The following TXNDC12 variants were observed in gnomAD, a reference collection of about 807,000 sequenced individuals.
TXNDC12 encodes thioredoxin domain containing 12, also known as thioredoxin domain-containing protein 12.
A neutral mutation model predicts 24.2 loss-of-function variants in TXNDC12; 22 were observed. That is an observed-to-expected ratio of 0.91 (90% confidence interval 0.65 to 1.30). The LOEUF is 1.30. Ranked by LOEUF, TXNDC12 falls within the 50% of genes most tolerant of loss-of-function variation. The pLI is 0.00. For synonymous variants in TXNDC12, 58 were observed against 73.4 expected, an observed-to-expected ratio of 0.79 and a Z score of 1.07; for missense variants, 184 against 205.8, an observed-to-expected ratio of 0.89 and a Z score of 0.65.
chr1:52,024,456 C>T (rs565382764), intron 5 of TXNDC12, 54 bp downstream of exon 5: 101 of 1,395,994 alleles, frequency 7.2e-5, no homozygotes, highest in Non-Finnish European at 9.5e-5. Flanking sequence ...TGCCTTGATT[C>T]ATTTCTCTCT....
chr1:52,034,057 G>A, intron 2 of TXNDC12: 1 of 1,334,742 alleles, frequency 7.5e-7, no homozygotes, highest in Non-Finnish European at 9.5e-7. Context: ...AAGGCCTAAG[G>A]GGCATTAAAT....
intron 1 of TXNDC12, among the ~76,000 whole-genome samples, chr1:52,049,805 T>C (rs1175861902): frequency 6.6e-6 from 1 of 152,054 alleles, no homozygotes; most frequent in Non-Finnish European, 1.5e-5. Context: ...CCCAAACTGC[T>C]AGGATTATAG....
chr1:52,055,858 T>G (rs1328056464), upstream of TXNDC12: 1 of 152,246 alleles, frequency 6.6e-6, no homozygotes, highest in East Asian at 1.9e-4. Context: ...TATAAGTCAC[T>G]GCAGGCTAAA....
At chr1:52,028,479 GTCA>G in intron 3 of TXNDC12, 96 bp downstream of exon 3, 1 of 897,704 alleles carries the variant, frequency 1.1e-6, no homozygotes, top group Non-Finnish European at 1.8e-6. Context: ...TCCTTAAACA[GTCA>G]GTAGTGCTGG....
At chr1:52,033,654 G>A in intron 2 of TXNDC12, 2 of 1,611,288 alleles carry the variant, frequency 1.2e-6, no homozygotes, top group Non-Finnish European at 1.7e-6. Flanking sequence ...CAGCTGCGTC[G>A]TCCACCACGT....
At chr1:52,041,011 G>T (rs1318914371) in intron 2 of TXNDC12, among the ~76,000 whole-genome samples, 1 of 148,552 alleles carries the variant, frequency 6.7e-6, no homozygotes, top group African/African-American at 2.5e-5. Context: ...CTCCCGCCTG[G>T]GTGACAAAGC....
At chr1:52,052,623 A>G (rs1184907441) in intron 1 of TXNDC12, 1 of 159,038 alleles carries the variant, frequency 6.3e-6, no homozygotes, top group East Asian at 1.9e-4. Flanking sequence ...AGCCTTTCCC[A>G]GTGTGCCTTG....
chr1:52,032,784 A>G lies in TXNDC12; in HGVS notation c.159-4154T>C, dbSNP rs1366942007. On this transcript the variant is annotated intron_variant, in intron 2 of 6. Transcript: ENST00000371626. ...TGTTGGGATGCATTTTAGTGTACGA[A>G]ATAAACTGGCGACGAAGGCGACTCA... is the stretch of plus-strand genomic sequence containing the variant. The G allele has an allele frequency of 4.3e-6, 7 of 1,614,232 alleles. No individual in the cohort carries two copies. The East Asian group carries it at 1.6e-4, about 36-fold the overall frequency.
At chr1:52,026,420 G>A (rs145098401) in intron 4 of TXNDC12, among the ~76,000 whole-genome samples, 69 of 152,288 alleles carry the variant, frequency 4.5e-4, no homozygotes, top group Non-Finnish European at 9.1e-4. Flanking sequence ...TATGAGGTAT[G>A]TAAAAGCTAT....
intron 2 of TXNDC12, among the ~76,000 whole-genome samples, chr1:52,038,829 A>C (rs1322291746): frequency 6.6e-6 from 1 of 152,006 alleles, no homozygotes. Flanking sequence ...TTTGGCAAAA[A>C]GTGCAAGGTT....
In TXNDC12 at chr1:52,020,840, G is replaced by A. The variant is rs371070616; in HGVS notation, c.*93C>T. The stretch of plus-strand genomic sequence containing the variant: ...TAGGTAGGAATGAGGTTTCCTGGTC[G>A]GCTTAATTGTTCTAGATGATTCCTC... On this transcript the variant is annotated 3_prime_UTR_variant, in exon 7 of 7. Coordinates refer to ENST00000371626, the MANE Select transcript of TXNDC12 (RefSeq NM_015913.4). 1.3e-5 allele frequency: 14 copies of A among 1,063,438 alleles called. No homozygotes were observed. Among genetic ancestry groups the A allele is most frequent in the African/African-American group, 3.2e-5 (2 of 63,478 alleles). The allele number at this position is 1,063,438 out of a possible 1,614,324, so 65.9% of individuals were successfully genotyped here. A position where few individuals can be genotyped will look rare whatever the true frequency, so the allele number is the denominator to read the frequency against.
At chr1:52,033,905 T>C (rs1685833763) in intron 2 of TXNDC12, 1 of 1,431,964 alleles carries the variant, frequency 7.0e-7, no homozygotes, top group Non-Finnish European at 9.1e-7. Flanking sequence ...ACAGGAGTTC[T>C]ACGCCAGCTA....
intron 1 of TXNDC12, among the ~76,000 whole-genome samples, chr1:52,048,522 T>G (rs949175065): frequency 2.1e-5 from 3 of 145,746 alleles, no homozygotes; most frequent in Non-Finnish European, 4.5e-5. Flanking sequence ...CTTACAGAAG[T>G]CCAATGCCAA....
At chr1:52,034,755 T>C (rs1225297496) in intron 2 of TXNDC12, among the ~76,000 whole-genome samples, 1 of 151,786 alleles carries the variant, frequency 6.6e-6, no homozygotes, top group African/African-American at 2.4e-5. Flanking sequence ...CTGCATCCTT[T>C]ATTTTATTTT....
At position 52,020,809 on chromosome 1, in the gene TXNDC12, C is replaced by G; in HGVS notation, c.*124G>C. The G allele has an allele frequency of 4.1e-6, 3 of 738,366 alleles. No individual in the cohort carries two copies. The highest frequency in any genetic ancestry group is 5.0e-5 in the Admixed American group (2 of 40,252). 45.7% of individuals were successfully genotyped at this position (738,366 alleles called of 1,614,324 possible). A position where few individuals can be genotyped will look rare whatever the true frequency, so the allele number is the denominator to read the frequency against. ...CTCTTCCACAGTGAGAGCGCTCCTT[C>G]CAGTGTAGGTAGGAATGAGGTTTCC... is the stretch of plus-strand genomic sequence containing the variant. On this transcript the variant is annotated 3_prime_UTR_variant, in exon 7 of 7. Transcript: ENST00000371626.
intron 2 of TXNDC12, chr1:52,033,777 C>T (rs928644019): frequency 1.6e-5 from 25 of 1,555,272 alleles, no homozygotes; most frequent in Non-Finnish European, 2.1e-5. Context: ...CAGGGAGCGA[C>T]CATTGGCAAC....
rs547993770 is a variant in TXNDC12, at chr1:52,033,893, A to T, written c.159-5263T>A. ...TTTACAGACCCTCTTGTTTCTATGG[A>T]AACAGGAGTTCTACGCCAGCTAGGC... On this transcript the variant is annotated intron_variant, in intron 2 of 6. Coordinates refer to ENST00000371626, the MANE Select transcript of TXNDC12 (RefSeq NM_015913.4). The T allele has an allele frequency of 6.7e-4, 963 of 1,433,502 alleles. 7 individuals are homozygous for T. In the African/African-American group the frequency reaches 0.013, roughly 19 times the overall value. 88.8% of individuals were successfully genotyped at this position (1,433,502 alleles called of 1,614,324 possible). A position where few individuals can be genotyped will look rare whatever the true frequency, so the allele number is the denominator to read the frequency against.
rs1010845711 is a variant in TXNDC12, at chr1:52,034,235, G to A, written c.159-5605C>T. On this transcript the variant is annotated intron_variant, in intron 2 of 6. Coordinates refer to ENST00000371626, the MANE Select transcript of TXNDC12 (RefSeq NM_015913.4). ...GGGAATTCAGAGATGAACATAAAAC[G>A]CTTTCCCCACAAAAGATAAAAGGTC... 1.3e-3 allele frequency among the ~76,000 whole-genome samples: 201 copies of A among 152,204 alleles called. 1 individual carries two copies. The highest frequency in any genetic ancestry group is 1.3e-3 in the Non-Finnish European group (87 of 67,996).
intron 2 of TXNDC12, chr1:52,032,758 T>C: frequency 6.2e-7 from 1 of 1,614,086 alleles, no homozygotes; most frequent in South Asian, 1.1e-5. Flanking sequence ...CAAGTTCTCA[T>C]TGTTGGGATG....
Sources: gnomAD v4.1 joint callset for allele counts (sites outside exome capture counted in the v4.1 genomes callset) on GRCh38, gnomAD v4.1.1 for gene constraint, MANE v1.5 for transcripts, NCBI Gene and HGNC (gene_info 2026-07-23, HGNC 2026-07-21) for gene names.